The following RHOBTB2 variants were observed in gnomAD, a reference collection of about 807,000 sequenced individuals.
RHOBTB2 encodes rho-related BTB domain-containing protein 2.
Under a neutral mutation model 66.5 loss-of-function variants are expected in RHOBTB2, and 39 were observed. That is an observed-to-expected ratio of 0.59 (90% CI 0.45 to 0.77). RHOBTB2 has a LOEUF of 0.77. Ranked by LOEUF, RHOBTB2 falls within the 30% of genes least tolerant of loss-of-function variation. The pLI, the probability that RHOBTB2 is intolerant of heterozygous loss-of-function variation, is 0.00. For synonymous variants in RHOBTB2, 390 were observed against 395.0 expected (o/e 0.99, Z 0.15); for missense variants, 755 against 999.1 (o/e 0.76, Z 3.29).
the RHOBTB2 span, among the ~76,000 whole-genome samples, chr8:22,981,259 T>C: frequency 6.6e-6 from 1 of 152,242 alleles, no homozygotes. Flanking sequence ...CTGGAGTTGA[T>C]TCAACCACCC....
Position 23,004,665 on chromosome 8 carries a change from T to G in RHOBTB2, c.192+39T>G. The G allele has an allele frequency of 6.4e-7, 1 of 1,569,722 alleles. No individual in the cohort carries two copies. The highest frequency in any genetic ancestry group is 8.7e-7 in the Non-Finnish European group (1 of 1,154,392). ...ACTACCTGGCTGGGGGTCCACGCCA[T>G]GAGTCTGGGCTTGGGGGCTTCCTGA... On this transcript the variant is annotated intron_variant, in intron 2 of 9. Transcript: ENST00000251822. The surrounding 1 kb of genome is among the most constrained non-coding windows in gnomAD (Gnocchi z 6.4).
Position 23,007,319 on chromosome 8 carries a change from T to C in RHOBTB2, c.1074T>C (p.Gly358=). ...GCGTGGATGAGGCTGGGGGCTCCGG[T>C]CCTGCTGGCCTCCGTGCTTCCACCA... is the stretch of plus-strand genomic sequence containing the variant. ...CESVDEAGGS[G]PAGLRASTSD... is the part of the protein sequence containing the mutation. The change falls in exon 5 of 10, where the codon GGT becomes GGC. Residue 358 remains glycine (G), a synonymous_variant. Coordinates refer to ENST00000251822, the MANE Select transcript of RHOBTB2 (RefSeq NM_015178.3). 3.1e-6 allele frequency: 5 copies of C among 1,613,684 alleles called. No individual in the cohort carries two copies. The highest frequency in any genetic ancestry group is 4.2e-6 in the Non-Finnish European group (5 of 1,179,844).
the RHOBTB2 span, among the ~76,000 whole-genome samples, chr8:22,969,344 G>C: frequency 6.6e-6 from 1 of 152,158 alleles, no homozygotes; most frequent in Non-Finnish European, 1.5e-5. Context: ...TGAGATTTGG[G>C]TGGAGACACA....
In RHOBTB2 at chr8:23,017,543, C is replaced by T; in HGVS notation, c.*74C>T. 6.5e-7 allele frequency: 1 copy of T among 1,538,962 alleles called. No individual in the cohort carries two copies. Among genetic ancestry groups the T allele is most frequent in the Non-Finnish European group, 8.8e-7 (1 of 1,140,112 alleles). ...TCACCCCTCTGCTCTTCCGCATCAC[C>T]CCATCCACCTTACAGGGACCAGGGG... On this transcript the variant is annotated 3_prime_UTR_variant, in exon 10 of 10. Coordinates refer to ENST00000251822, the MANE Select transcript of RHOBTB2 (RefSeq NM_015178.3). This position sits in a 1 kb window ranked among gnomAD's most constrained non-coding sequence, Gnocchi z 5.3.
intron 6 of RHOBTB2, 131 bp downstream of exon 6, chr8:23,008,242 GT>G: frequency 1.5e-6 from 1 of 662,734 alleles, no homozygotes. Flanking sequence ...CCCAAGAGAG[GT>G]TTATGAGGTG....
upstream of RHOBTB2, among the ~76,000 whole-genome samples, chr8:22,986,202 G>A (rs552966018): frequency 6.6e-6 from 1 of 151,466 alleles, no homozygotes; most frequent in African/African-American, 2.4e-5. Context: ...CTTGGTAAGG[G>A]GTTGCCAGGG....
rs376143315 is a variant in RHOBTB2 at position 23,007,770 on chromosome 8, A to G, written c.1501+24A>G. Reference sequence around the variant, plus strand: ...AGGTATGGAACAGGCTTGGAAAGCAAGGGGGTTCTGCATTGGTGCTATTAG... The same window carrying G: ...AGGTATGGAACAGGCTTGGAAAGCAGGGGGGTTCTGCATTGGTGCTATTAG... On this transcript the variant is annotated intron_variant, in intron 5 of 9. Coordinates refer to ENST00000251822, the MANE Select transcript of RHOBTB2 (RefSeq NM_015178.3). 124 of 1,606,540 alleles carry G rather than the reference A, an allele frequency of 7.7e-5. No homozygotes were observed. The African/African-American group carries it at 1.5e-3, about 19-fold the overall frequency.
At chr8:22,992,769 A>G (rs1422262611) in intron 2 of RHOBTB2, among the ~76,000 whole-genome samples, 1 of 152,234 alleles carries the variant, frequency 6.6e-6, no homozygotes, top group Non-Finnish European at 1.5e-5. Flanking sequence ...ACCATGCCCC[A>G]ATTTCTTTAC....
chr8:22,958,864 T>C, the RHOBTB2 span, among the ~76,000 whole-genome samples: 3 of 139,820 alleles, frequency 2.1e-5, no homozygotes, highest in Non-Finnish European at 4.6e-5. Flanking sequence ...AGGCTATGGG[T>C]ACACATCTGA....
At position 23,007,219 on chromosome 8, in the gene RHOBTB2, A is replaced by G. The variant is rs201146480; in HGVS notation, c.974A>G (p.Gln325Arg). 1.8e-4 allele frequency: 293 copies of G among 1,608,098 alleles called. 2 individuals are homozygous for G. The highest frequency in any genetic ancestry group is 1.3e-4 in the Admixed American group (8 of 59,894). The change falls in exon 5 of 10, where the codon CAA becomes CGA. Residue 325 changes from glutamine to arginine, a missense_variant. Transcript: ENST00000251822. The stretch of plus-strand genomic sequence containing the variant: ...GAGGACCACCAGGGCCACTCTGATC[A>G]ACACCACCACCATCACCACCACCAC... The part of the protein sequence containing the change: ...HPEDHQGHSD[Q>R]HHHHHHHHHG...
chr8:22,962,901 C>G, the RHOBTB2 span, among the ~76,000 whole-genome samples: 4 of 152,190 alleles, frequency 2.6e-5, no homozygotes, highest in Admixed American at 6.5e-5. Flanking sequence ...AGTGGACCAC[C>G]TGGGTGGATG....
chr8:23,006,842 C>T lies in RHOBTB2; in HGVS notation c.597C>T (p.Val199=). 7 of 1,614,154 alleles carry T rather than the reference C, an allele frequency of 4.3e-6. No homozygotes were observed. The South Asian group carries it at 6.6e-5, about 15-fold the overall frequency. ...TGGCCCAGTTCGGCATCAAGGACGT[C>T]TTTGACAACGCCATCCGAGCTGCAC... ...SVVAQFGIKD[V]FDNAIRAALI... Residue 199 remains valine, a synonymous_variant, in exon 5 of 10, where the codon GTC becomes GTT. Coordinates refer to ENST00000251822, the MANE Select transcript of RHOBTB2 (RefSeq NM_015178.3). This position sits in a 1 kb window ranked among gnomAD's most constrained non-coding sequence, Gnocchi z 6.1.
chr8:22,994,400 T>G (rs527976319), intron 2 of RHOBTB2, among the ~76,000 whole-genome samples: 173 of 152,292 alleles, frequency 1.1e-3, no homozygotes, highest in African/African-American at 3.9e-3. Context: ...GGCTGGGGTC[T>G]CACCCCGCGC....
At position 23,006,625 on chromosome 8, in the gene RHOBTB2, G is replaced by A; in HGVS notation, c.483-103G>A. On this transcript the variant is annotated intron_variant, in intron 4 of 9. Coordinates refer to ENST00000251822, the MANE Select transcript of RHOBTB2 (RefSeq NM_015178.3). This position sits in a 1 kb window ranked among gnomAD's most constrained non-coding sequence, Gnocchi z 6.1. The stretch of plus-strand genomic sequence containing the variant: ...ACAGAGCAGGGCAGGAGTGGGTGGG[G>A]ATTGGCACCCAGATCCTGAGCAGAG... 1.7e-6 allele frequency: 2 copies of A among 1,151,354 alleles called. No homozygotes were observed. Among genetic ancestry groups the A allele is most frequent in the Non-Finnish European group, 2.5e-6 (2 of 795,604 alleles). The allele number at this position is 1,151,354 out of a possible 1,614,324, so 71.3% of individuals were successfully genotyped here.
chr8:22,962,222 AGAG>A, the RHOBTB2 span, among the ~76,000 whole-genome samples: 9 of 135,734 alleles, frequency 6.6e-5, no homozygotes, highest in Middle Eastern at 3.7e-3. Context: ...AAGGAAAGAA[AGAG>A]AAAGTAACCC....
In RHOBTB2 at chr8:23,007,089, A is replaced by G; in HGVS notation, c.844A>G (p.Lys282Glu). Residue 282 changes from lysine (K) to glutamate (E), a missense_variant, in exon 5 of 10, where the codon AAG becomes GAG. By Grantham distance (56) the Lys-to-Glu change is moderately conservative. Coordinates refer to ENST00000251822, the MANE Select transcript of RHOBTB2 (RefSeq NM_015178.3). ...LQERVRIFAH[K>E]IYLSTSSSKF... The stretch of plus-strand genomic sequence containing the variant: ...GGAGCGGGTGCGCATCTTTGCCCAC[A>G]AGATCTACCTCTCCACCTCTTCCTC... The G allele has an allele frequency of 1.9e-6, 3 of 1,610,854 alleles. No homozygotes were observed. Among genetic ancestry groups the G allele is most frequent in the Non-Finnish European group, 2.5e-6 (3 of 1,179,748 alleles).
In RHOBTB2 at chr8:23,010,565, T is replaced by C. The variant is rs1319691903; in HGVS notation, c.1648T>C (p.Cys550Arg). The C allele has an allele frequency of 6.2e-7, 1 of 1,614,020 alleles. No homozygotes were observed. The highest frequency in any genetic ancestry group is 8.5e-7 in the Non-Finnish European group (1 of 1,179,940). ...EVVFPYTSKS[C>R]MRAVLEYLYT... ...GGTGTTTCCCTACACAAGCAAGAGC[T>C]GCATGCGGGCCGTGCTGGAATACCT... Residue 550 changes from cysteine to arginine, a missense_variant, in exon 7 of 10, where the codon TGC becomes CGC. By Grantham distance (180) the Cys-to-Arg change is radical (BLOSUM62 -3). Coordinates refer to ENST00000251822, the MANE Select transcript of RHOBTB2 (RefSeq NM_015178.3).
At chr8:22,996,859 G>A (rs1370711884), upstream of RHOBTB2, among the ~76,000 whole-genome samples, 1 of 152,076 alleles carries the variant, frequency 6.6e-6, no homozygotes, top group Non-Finnish European at 1.5e-5. Flanking sequence ...CTGTTTTCCA[G>A]GATCTGGCAT....
Position 23,004,535 on chromosome 8 carries a change from G to A in RHOBTB2, c.101G>A (p.Arg34His), listed in dbSNP as rs949745361. ...AVGKTRLICA[R>H]ACNATLTQYQ... ...GGTAAGACCAGGCTCATCTGTGCCC[G>A]CGCTTGCAATGCCACCCTCACCCAG... The change falls in exon 2 of 10, where the codon CGC becomes CAC. Residue 34 changes from arginine to histidine, a missense_variant. This residue lies in a region of RHOBTB2 where 65 missense variants were observed against 152.4 expected (regional missense o/e 0.43). Transcript: ENST00000251822. This position sits in a 1 kb window ranked among gnomAD's most constrained non-coding sequence, Gnocchi z 6.4. 2.5e-6 allele frequency: 4 copies of A among 1,614,084 alleles called. No homozygotes were observed. The highest frequency in any genetic ancestry group is 3.4e-6 in the Non-Finnish European group (4 of 1,180,054).
Sources: allele counts gnomAD v4.1 joint callset (sites outside exome capture counted in the v4.1 genomes callset), GRCh38; gene constraint gnomAD v4.1.1; regional missense constraint gnomAD v4.1.1; non-coding constraint Gnocchi (gnomAD v3.1); transcripts MANE v1.5; gene names NCBI Gene and HGNC (gene_info 2026-07-23, HGNC 2026-07-21).